NRG3: variants seen among roughly 807,000 people sequenced by gnomAD.
NRG3 encodes neuregulin 3.
NRG3 carries 31 observed loss-of-function variants against 66.9 expected under a neutral mutation model. The observed-to-expected ratio is 0.46, with a 90% CI of 0.35 to 0.63. The LOEUF (loss-of-function observed/expected upper bound fraction) is 0.63. NRG3 is among the 20% of genes least tolerant of loss of function. The pLI, the probability that NRG3 is intolerant of heterozygous loss-of-function variation, is 0.00. For missense variants in NRG3, 910 were observed against 878.9 expected (o/e 1.04, Z -0.45); for synonymous variants, 393 against 359.4 (o/e 1.09, Z -1.06).
At chr10:82,976,149 G>C (rs547273749) in intron 7 of NRG3, among the ~76,000 whole-genome samples, 8 of 152,090 alleles carry the variant, frequency 5.3e-5, no homozygotes, top group Non-Finnish European at 1.2e-4. Context: ...TCCAGCTCCT[G>C]AGTTCAAGGG....
chr10:82,460,603 G>GA (rs1031858614), intron 2 of NRG3, among the ~76,000 whole-genome samples: 3 of 152,298 alleles, frequency 2.0e-5, no homozygotes, highest in African/African-American at 7.2e-5. Flanking sequence ...AAAATCTGGA[G>GA]ACAGTGCAGG....
intron 2 of NRG3, among the ~76,000 whole-genome samples, chr10:82,713,743 A>T (rs1414828626): frequency 6.6e-6 from 1 of 152,204 alleles, no homozygotes; most frequent in East Asian, 1.9e-4. Context: ...CATAAATTGT[A>T]TTTTGATATC....
At chr10:82,623,561 C>G (rs2049190058) in intron 2 of NRG3, among the ~76,000 whole-genome samples, 1 of 152,044 alleles carries the variant, frequency 6.6e-6, no homozygotes, top group African/African-American at 2.4e-5. Context: ...CATGGCTCAA[C>G]AAGATAGACA....
At chr10:82,684,114 C>T (rs182698077) in intron 2 of NRG3, among the ~76,000 whole-genome samples, 31 of 152,224 alleles carry the variant, frequency 2.0e-4, no homozygotes, top group African/African-American at 7.2e-4. Context: ...GACAGGTAAT[C>T]CTATTATCTT....
intron 2 of NRG3, among the ~76,000 whole-genome samples, chr10:82,530,761 G>C (rs111822584): frequency 9.9e-5 from 15 of 151,652 alleles, no homozygotes; most frequent in African/African-American, 3.6e-4. Context: ...TTCCATTTTG[G>C]CATTTTAGAA....
At chr10:82,828,144 A>T (rs2062329993) in intron 3 of NRG3, among the ~76,000 whole-genome samples, 1 of 152,148 alleles carries the variant, frequency 6.6e-6, no homozygotes, top group African/African-American at 2.4e-5. Flanking sequence ...TGGTACAGTC[A>T]TAGGAGGGTT....
At chr10:82,285,800 A>G (rs950011687) in intron 1 of NRG3, among the ~76,000 whole-genome samples, 8 of 152,106 alleles carry the variant, frequency 5.3e-5, no homozygotes, top group Non-Finnish European at 1.0e-4. Flanking sequence ...CTGCTAAAGC[A>G]CTCACCTTCT....
intron 1 of NRG3, among the ~76,000 whole-genome samples, chr10:82,199,201 A>T (rs1374307473): frequency 6.6e-6 from 1 of 151,790 alleles, no homozygotes; most frequent in South Asian, 2.1e-4. Context: ...AGAAAAAAAA[A>T]TAACTCAAGT....
intron 2 of NRG3, among the ~76,000 whole-genome samples, chr10:82,548,350 G>T (rs1425786650): frequency 3.3e-5 from 5 of 151,872 alleles, no homozygotes; most frequent in Non-Finnish European, 7.4e-5. Flanking sequence ...GAAGGGCCTG[G>T]ACAAGGGTTA....
chr10:82,625,118 C>T (rs1460254291), intron 2 of NRG3, among the ~76,000 whole-genome samples: 2 of 151,676 alleles, frequency 1.3e-5, no homozygotes, highest in Admixed American at 6.6e-5. Flanking sequence ...ATCTTGGTCT[C>T]CTCTAATCTT....
Position 82,479,364 on chromosome 10 carries a change from G to C in NRG3, c.953+120496G>C, listed in dbSNP as rs564164812. Among the ~76,000 whole-genome samples the C allele has an allele frequency of 1.2e-4, 19 of 152,154 alleles. 1 individual carries two copies. In the South Asian group the frequency reaches 3.9e-3, roughly 32 times the overall value. On this transcript the variant is annotated intron_variant, in intron 2 of 8. Transcript: ENST00000372141. The stretch of plus-strand genomic sequence containing the variant: ...TCACACCTATAGACAGAGAGGAAGG[G>C]GGGAAGAGAGGATATGCACGCGTGT...
Position 82,335,163 on chromosome 10 carries a change from G to T in NRG3, c.824-23576G>T, listed in dbSNP as rs35296752. On this transcript the variant is annotated intron_variant, in intron 1 of 8. Transcript: ENST00000372141. ...CAGACTGAGAATGCTTAAGAGGTGG[G>T]CATGGGACTCAAATCTTGTTAATGA... 7.6e-3 allele frequency among the ~76,000 whole-genome samples: 1,157 copies of T among 152,282 alleles called. 15 individuals carry two copies. Among genetic ancestry groups the T allele is most frequent in the African/African-American group, 0.027 (1,114 of 41,538 alleles).
chr10:82,611,907 T>G (rs2048340404), intron 2 of NRG3, among the ~76,000 whole-genome samples: 1 of 152,208 alleles, frequency 6.6e-6, no homozygotes, highest in South Asian at 2.1e-4. Context: ...CGTTCATATT[T>G]CTCCACATCC....
At chr10:82,694,237 C>T (rs554729444) in intron 2 of NRG3, among the ~76,000 whole-genome samples, 8 of 152,260 alleles carry the variant, frequency 5.3e-5, no homozygotes, top group South Asian at 2.1e-4. Context: ...CTGATTGGTG[C>T]GTTTTTACAG....
At chr10:82,959,426 T>C (rs1186643001) in intron 6 of NRG3, among the ~76,000 whole-genome samples, 1 of 152,110 alleles carries the variant, frequency 6.6e-6, no homozygotes, top group Non-Finnish European at 1.5e-5. Flanking sequence ...TAAGGGAAGT[T>C]CTATGTAGGA....
chr10:82,671,129 C>T (rs1001675850), intron 2 of NRG3, among the ~76,000 whole-genome samples: 1 of 152,184 alleles, frequency 6.6e-6, no homozygotes, highest in Non-Finnish European at 1.5e-5. Flanking sequence ...TCCTCCCACA[C>T]CCCAAGGTCC....
At chr10:82,320,739 A>AACTTT (rs2081525665) in intron 1 of NRG3, among the ~76,000 whole-genome samples, 1 of 152,136 alleles carries the variant, frequency 6.6e-6, no homozygotes, top group African/African-American at 2.4e-5. Flanking sequence ...CGTAGAAGAG[A>AACTTT]GTGGTTCCCC....
chr10:82,848,344 T>G (rs2063404190), intron 3 of NRG3, among the ~76,000 whole-genome samples: 2 of 152,220 alleles, frequency 1.3e-5, no homozygotes, highest in Admixed American at 6.5e-5. Flanking sequence ...TGGAGCTTTA[T>G]GATTTGACTG....
In NRG3 at chr10:82,645,242, C is replaced by A. The variant is rs17100381; in HGVS notation, c.954-93335C>A. ...CATTTACACAAGACTTGAAAAGCAC[C>A]CAAGGTCTGTCATAGCCAGAGAATA... On this transcript the variant is annotated intron_variant, in intron 2 of 8. Coordinates refer to ENST00000372141, the MANE Select transcript of NRG3 (RefSeq NM_001010848.4). Among the ~76,000 whole-genome samples the A allele has an allele frequency of 4.2e-4, 64 of 152,186 alleles. No individual in the cohort carries two copies. In the East Asian group the frequency reaches 0.012, roughly 29 times the overall value.
Sources: allele counts gnomAD v4.1 joint callset (sites outside exome capture counted in the v4.1 genomes callset), GRCh38; gene constraint gnomAD v4.1.1; transcripts MANE v1.5; gene names NCBI Gene and HGNC (gene_info 2026-07-23, HGNC 2026-07-21).